FOXD4L4: variants seen among roughly 807,000 people sequenced by gnomAD.
The protein encoded by FOXD4L4 is forkhead box protein D4-like 4.
Under a neutral mutation model 24.1 loss-of-function variants are expected in FOXD4L4, and 5 were observed. That is an observed-to-expected ratio of 0.21 (90% CI 0.11 to 0.44). The LOEUF is 0.44. FOXD4L4 is among the 20% of genes least tolerant of loss of function. The pLI, the probability that FOXD4L4 is intolerant of heterozygous loss-of-function variation, is 0.99. For missense variants in FOXD4L4, 128 were observed against 617.5 expected (o/e 0.21, Z 8.40); for synonymous variants, 71 against 276.2 (o/e 0.26, Z 7.37).
chr9:65,738,071 G>A, exon 1 of FOXD4L4: 2 of 1,604,770 alleles, frequency 1.2e-6, no homozygotes, highest in South Asian at 1.1e-5. Context: ...AGCCTTGGGA[G>A]GAGGGCAAGG....
At chr9:65,737,396 CAG>C in the FOXD4L4 span, 1 of 1,607,990 alleles carries the variant, frequency 6.2e-7, no homozygotes, top group African/African-American at 1.4e-5. Context: ...AGTGACCCTT[CAG>C]AGTTTGGCAC....
At chr9:65,737,905 G>T in exon 1 of FOXD4L4, 1 of 1,601,190 alleles carries the variant, frequency 6.2e-7, no homozygotes, top group Non-Finnish European at 8.5e-7. Flanking sequence ...CCCCAACACC[G>T]CCCCCGGGAG....
At position 65,738,003 on chromosome 9, in the gene FOXD4L4, A is replaced by G. The variant is rs1461291027; in HGVS notation, c.858A>G (p.Glu286=). 8.7e-6 allele frequency: 14 copies of G among 1,604,410 alleles called. No individual in the cohort carries two copies. The South Asian group carries it at 1.5e-4, about 18-fold the overall frequency. ...ATGCCGGGGCACCGAAGAAAGCAGA[A>G]GGCGCGGACCTGGCGACCCCGGCAC... Residue 286 remains glutamate (E), a synonymous_variant, in exon 1 of 1, where the codon GAA becomes GAG. Transcript: ENST00000377413.
exon 1 of FOXD4L4, chr9:65,737,971 C>T (rs1832995045): frequency 6.2e-7 from 1 of 1,601,054 alleles, no homozygotes; most frequent in Non-Finnish European, 8.5e-7. Context: ...GCTCTCGGCC[C>T]GCGTCTATGC....
Position 65,738,077 on chromosome 9 carries a change from C to T in FOXD4L4, c.932C>T (p.Ala311Val). 1.2e-6 allele frequency: 2 copies of T among 1,604,494 alleles called. 1 individual carries two copies. The highest frequency in any genetic ancestry group is 4.5e-5 in the East Asian group (2 of 44,842). Residue 311 changes from alanine to valine, a missense_variant, in exon 1 of 1, where the codon GCA becomes GTA. By Grantham distance (64) the Ala-to-Val change is moderately conservative (BLOSUM62 0). Coordinates refer to ENST00000377413, the Ensembl canonical transcript of FOXD4L4. ...TTGGTCCTCAGCCTTGGGAGGAGGGCAAGGGTCTGGCGTCGCCACCGGGAG... is the reference window on the plus strand; with the variant it reads ...TTGGTCCTCAGCCTTGGGAGGAGGGTAAGGGTCTGGCGTCGCCACCGGGAG...
In FOXD4L4 at chr9:65,737,986, G is replaced by A. The variant is rs1462016648; in HGVS notation, c.841G>A (p.Ala281Thr). 3.7e-6 allele frequency: 6 copies of A among 1,602,952 alleles called. 1 individual carries two copies. In the African/African-American group the frequency reaches 4.1e-5, roughly 11 times the overall value. Residue 281 changes from alanine to threonine, a missense_variant, in exon 1 of 1, where the codon GCA (alanine) becomes ACA (threonine). Physicochemically the swap from Ala to Thr is moderately conservative, Grantham distance 58. Transcript: ENST00000377413. ...GCTCTCGGCCCGCGTCTATGCCGGGGCACCGAAGAAAGCAGAAGGCGCGGA... is the reference window on the plus strand; with the variant it reads ...GCTCTCGGCCCGCGTCTATGCCGGGACACCGAAGAAAGCAGAAGGCGCGGA...
exon 1 of FOXD4L4, chr9:65,737,981 C>G: frequency 6.2e-7 from 1 of 1,602,260 alleles, no homozygotes; most frequent in Non-Finnish European, 8.5e-7. Context: ...CGCGTCTATG[C>G]CGGGGCACCG....
exon 1 of FOXD4L4, chr9:65,737,559 T>C: frequency 1.2e-6 from 2 of 1,608,868 alleles, no homozygotes; most frequent in Non-Finnish European, 1.7e-6. Context: ...GCGCCTTCAT[T>C]AGTGGCCGCT....
chr9:65,737,985 G>C lies in FOXD4L4; in HGVS notation c.840G>C (p.Gly280=), dbSNP rs1328284411. The C allele has an allele frequency of 5.4e-5, 87 of 1,602,880 alleles. 2 individuals are homozygous for C. Among genetic ancestry groups the C allele is most frequent in the South Asian group, 5.4e-4 (49 of 90,758 alleles). The change falls in exon 1 of 1, where the codon GGG becomes GGC. Residue 280 remains glycine (G), a synonymous_variant. Coordinates refer to ENST00000377413, the Ensembl canonical transcript of FOXD4L4. ...TGCTCTCGGCCCGCGTCTATGCCGG[G>C]GCACCGAAGAAAGCAGAAGGCGCGG...
exon 1 of FOXD4L4, chr9:65,737,970 C>G: frequency 1.2e-6 from 2 of 1,601,212 alleles, no homozygotes; most frequent in East Asian, 2.2e-5. Context: ...TGCTCTCGGC[C>G]CGCGTCTATG....
At chr9:65,737,863 C>G in exon 1 of FOXD4L4, 1 of 1,602,634 alleles carries the variant, frequency 6.2e-7, no homozygotes, top group Non-Finnish European at 8.5e-7. Flanking sequence ...GCTTGGGGCC[C>G]CTGCCCCGCC....
chr9:65,737,804 C>G, exon 1 of FOXD4L4: 1 of 1,609,864 alleles, frequency 6.2e-7, no homozygotes, highest in Middle Eastern at 2.3e-4. Flanking sequence ...CACCCCTTCC[C>G]TCTACCTGCT....
chr9:65,737,939 C>T lies in FOXD4L4; in HGVS notation c.794C>T (p.Pro265Leu), dbSNP rs1375142574. ...AGACGCCCTTACGCTCTGCTGCACC[C>T]GCATCCTCTTCGCTACCTACTGCTC... Residue 265 changes from proline (P) to leucine (L), a missense_variant, in exon 1 of 1, where the codon CCG (proline) becomes CTG (leucine). By Grantham distance (98) the Pro-to-Leu change is moderately conservative. Coordinates refer to ENST00000377413, the Ensembl canonical transcript of FOXD4L4. 1.4e-3 allele frequency: 2,217 copies of T among 1,602,736 alleles called. 2 individuals carry two copies. The East Asian group carries it at 0.047, about 34-fold the overall frequency.
chr9:65,737,297 T>A, exon 1 of FOXD4L4: 1 of 1,612,468 alleles, frequency 6.2e-7, no homozygotes, highest in Non-Finnish European at 8.5e-7. Context: ...CAGCAGTTCC[T>A]AGAGCAGTCG....
chr9:65,737,372 G>A (rs1170595649), exon 1 of FOXD4L4: 3 of 1,611,334 alleles, frequency 1.9e-6, no homozygotes, highest in Non-Finnish European at 2.5e-6. Context: ...CACATCGAGG[G>A]CGGCGGCGGC....
chr9:65,737,406 C>T, exon 1 of FOXD4L4: 1 of 1,608,454 alleles, frequency 6.2e-7, no homozygotes. Context: ...CAGAGTTTGG[C>T]ACCAAGTTCA....
exon 1 of FOXD4L4, chr9:65,737,368 G>C (rs1404186714): frequency 6.2e-7 from 1 of 1,611,596 alleles, no homozygotes; most frequent in Admixed American, 1.7e-5. Context: ...AGAGCACATC[G>C]AGGGCGGCGG....
At chr9:65,737,985 G>A in exon 1 of FOXD4L4, 3 of 1,602,880 alleles carry the variant, frequency 1.9e-6, no homozygotes, top group South Asian at 1.1e-5. Context: ...TCTATGCCGG[G>A]GCACCGAAGA....
At chr9:65,737,562 TG>T in the FOXD4L4 span, 1 of 1,608,830 alleles carries the variant, frequency 6.2e-7, no homozygotes, top group Non-Finnish European at 8.5e-7. Context: ...CCTTCATTAG[TG>T]GCCGCTTCCC....
Sources: allele counts gnomAD v4.1 joint callset, GRCh38; gene constraint gnomAD v4.1.1; transcripts MANE v1.5; gene names NCBI Gene and HGNC (gene_info 2026-07-23, HGNC 2026-07-21).